FBXO36: variants seen among roughly 807,000 people sequenced by gnomAD.
FBXO36 encodes F-box only protein 36.
FBXO36 carries 18 observed loss-of-function variants against 17.0 expected under a neutral mutation model. The ratio of observed to expected loss-of-function variants is 1.06; its 90% CI spans 0.73 to 1.57. The LOEUF is 1.57. FBXO36 is among the 40% of genes most tolerant of loss of function. FBXO36 has a pLI of 0.00. For synonymous variants in FBXO36, 83 were observed against 85.3 expected, an observed-to-expected ratio of 0.97 and a Z score of 0.15; for missense variants, 229 against 221.9, an observed-to-expected ratio of 1.03 and a Z score of -0.20.
At chr2:229,991,228 G>A (rs1223534620) in intron 2 of FBXO36, among the ~76,000 whole-genome samples, 1 of 152,136 alleles carries the variant, frequency 6.6e-6, no homozygotes, top group Non-Finnish European at 1.5e-5. Flanking sequence ...GAGCTACTGT[G>A]CCTGGCCTAA....
At chr2:229,971,769 G>T (rs1257085547) in intron 1 of FBXO36, among the ~76,000 whole-genome samples, 1 of 151,760 alleles carries the variant, frequency 6.6e-6, no homozygotes, top group African/African-American at 2.4e-5. Context: ...GCTCACCACG[G>T]CCTCAACCTC....
chr2:229,943,587 A>G (rs1031521991), intron 1 of FBXO36, among the ~76,000 whole-genome samples: 4 of 152,078 alleles, frequency 2.6e-5, no homozygotes, highest in Non-Finnish European at 4.4e-5. Context: ...CAAAACCACC[A>G]GTAGCCTCAA....
intron 2 of FBXO36, among the ~76,000 whole-genome samples, chr2:229,981,768 G>T (rs1231278657): frequency 6.6e-6 from 1 of 151,916 alleles, no homozygotes; most frequent in Non-Finnish European, 1.5e-5. Flanking sequence ...TGTCCTTATG[G>T]TTTGCTGTTG....
chr2:229,994,203 C>T (rs1157792174), intron 2 of FBXO36, among the ~76,000 whole-genome samples: 1 of 152,100 alleles, frequency 6.6e-6, no homozygotes, highest in Non-Finnish European at 1.5e-5. Context: ...TTTAAATAAG[C>T]ACTGCTTTTT....
At chr2:229,959,643 A>G (rs2077110453) in intron 1 of FBXO36, among the ~76,000 whole-genome samples, 1 of 152,160 alleles carries the variant, frequency 6.6e-6, no homozygotes, top group African/African-American at 2.4e-5. Context: ...CAGGAGATCG[A>G]GACCATCCTG....
At chr2:229,982,432 C>T (rs987996663) in intron 2 of FBXO36, among the ~76,000 whole-genome samples, 3 of 152,122 alleles carry the variant, frequency 2.0e-5, no homozygotes, top group Non-Finnish European at 4.4e-5. Context: ...CTATGACTCT[C>T]CTGCCTTCGT....
intron 1 of FBXO36, among the ~76,000 whole-genome samples, chr2:229,962,532 T>TATTTTATTTA (rs2077128402): frequency 6.7e-6 from 1 of 150,258 alleles, no homozygotes; most frequent in African/African-American, 2.5e-5. Context: ...TATTTTATTT[T>TATTTTATTTA]ATTTTATTTT....
intron 1 of FBXO36, among the ~76,000 whole-genome samples, chr2:229,958,414 GC>G (rs2077102702): frequency 6.6e-6 from 1 of 151,824 alleles, no homozygotes; most frequent in African/African-American, 2.4e-5. Context: ...GGGACTACAG[GC>G]GCCCGCCACG....
At chr2:229,985,427 A>C (rs967324229) in intron 2 of FBXO36, among the ~76,000 whole-genome samples, 3 of 152,094 alleles carry the variant, frequency 2.0e-5, no homozygotes, top group African/African-American at 7.2e-5. Context: ...TTTTAGACTT[A>C]TACGTCAGCC....
intron 2 of FBXO36, among the ~76,000 whole-genome samples, chr2:229,990,267 C>T (rs1018076024): frequency 6.7e-6 from 1 of 148,880 alleles, no homozygotes; most frequent in African/African-American, 2.5e-5. Context: ...ATATATAACA[C>T]ACACACTTTA....
rs558598672 is a variant in FBXO36 at position 229,978,464 on chromosome 2, G to A, written c.205+2115G>A. On this transcript the variant is annotated intron_variant, in intron 2 of 3. Transcript: ENST00000283946. The stretch of plus-strand genomic sequence containing the variant: ...CTGGGCATGATGGTGGTGGGTGCCC[G>A]TAATCCTAGCCACTCAGGAGGCTGA... Among the ~76,000 whole-genome samples, 349 of 151,972 alleles carry A rather than the reference G, an allele frequency of 2.3e-3. 3 individuals are homozygous for A. Among genetic ancestry groups the A allele is most frequent in the African/African-American group, 8.1e-3 (336 of 41,464 alleles).
In FBXO36 at chr2:230,010,828, C is replaced by T. The variant is rs139190280; in HGVS notation, c.511C>T (p.Arg171Trp). Residue 171 changes from arginine (R) to tryptophan (W), a missense_variant, in exon 4 of 4, where the codon CGG (arginine) becomes TGG (tryptophan). Coordinates refer to ENST00000283946, the MANE Select transcript of FBXO36 (RefSeq NM_174899.5). ...LFFTNKLQLQRQLRKRKQKYG... is the reference protein window; with the variant it reads ...LFFTNKLQLQWQLRKRKQKYG... ...CTTCACCAACAAGCTCCAGCTCCAG[C>T]GGCAGCTCCGCAAGAGGAAACAAAA... 1.2e-5 allele frequency: 19 copies of T among 1,613,572 alleles called. No individual in the cohort carries two copies. Among genetic ancestry groups the T allele is most frequent in the South Asian group, 5.5e-5 (5 of 91,032 alleles).
intron 1 of FBXO36, among the ~76,000 whole-genome samples, chr2:229,926,145 A>AAG (rs1231989621): frequency 3.6e-5 from 5 of 140,272 alleles, no homozygotes; most frequent in African/African-American, 1.1e-4. Flanking sequence ...AAAAAAAAAA[A>AAG]GGGGGGGCTG....
intron 1 of FBXO36, among the ~76,000 whole-genome samples, chr2:229,967,219 A>G (rs1168427164): frequency 1.3e-5 from 2 of 152,198 alleles, no homozygotes; most frequent in African/African-American, 2.4e-5. Context: ...ATTTTTGCAC[A>G]TTGATTTTGT....
chr2:229,929,880 C>T (rs1042627706), intron 1 of FBXO36, among the ~76,000 whole-genome samples: 1 of 152,100 alleles, frequency 6.6e-6, no homozygotes, highest in African/African-American at 2.4e-5. Context: ...GAATATTTTG[C>T]AGACTTCTAA....
intron 1 of FBXO36, among the ~76,000 whole-genome samples, chr2:229,967,305 C>G (rs932433044): frequency 4.6e-5 from 7 of 152,126 alleles, no homozygotes; most frequent in South Asian, 2.1e-4. Context: ...TCTAGATATA[C>G]AATCATGTCG....
intron 1 of FBXO36, chr2:229,939,219 C>T: frequency 1.0e-6 from 1 of 985,030 alleles, no homozygotes; most frequent in Non-Finnish European, 1.2e-6. Context: ...GCGCCCGGCC[C>T]AACAGATACA....
At position 229,949,697 on chromosome 2, in the gene FBXO36, G is replaced by A. The variant is rs142506198; in HGVS notation, c.97-26544G>A. ...TCCCAGCACTTTGGGAGGCCAAGGCGGGCGGATCACGAGGTCAGGAGATTG... is the reference window on the plus strand; with the variant it reads ...TCCCAGCACTTTGGGAGGCCAAGGCAGGCGGATCACGAGGTCAGGAGATTG... On this transcript the variant is annotated intron_variant, in intron 1 of 3. Transcript: ENST00000283946. 5.5e-3 allele frequency among the ~76,000 whole-genome samples: 844 copies of A among 152,198 alleles called. 8 individuals carry two copies. Among genetic ancestry groups the A allele is most frequent in the Middle Eastern group, 0.01 (3 of 294 alleles).
At chr2:230,009,285 G>C (rs986278665) in intron 3 of FBXO36, among the ~76,000 whole-genome samples, 8 of 152,126 alleles carry the variant, frequency 5.3e-5, no homozygotes, top group Non-Finnish European at 1.2e-4. Context: ...AGGCTGCCCT[G>C]GTGCTCCATT....
Sources: allele counts gnomAD v4.1 joint callset (sites outside exome capture counted in the v4.1 genomes callset), GRCh38; gene constraint gnomAD v4.1.1; transcripts MANE v1.5; gene names NCBI Gene and HGNC (gene_info 2026-07-23, HGNC 2026-07-21).